The following COA4 variants were observed in gnomAD, a reference collection of about 807,000 sequenced individuals.
COA4 encodes the protein cytochrome c oxidase assembly factor 4 homolog.
A neutral mutation model predicts 7.3 loss-of-function variants in COA4; 8 were observed. The observed-to-expected ratio is 1.10, with a 90% CI of 0.64 to 1.98. The LOEUF is 1.98. Ranked by LOEUF, COA4 falls within the 30% of genes most tolerant of loss-of-function variation. The probability of loss-of-function intolerance (pLI) is 0.00; values close to 1 mark genes in which losing one functional copy is unlikely to be tolerated. For synonymous variants in COA4, 42 were observed against 44.3 expected (o/e 0.95, Z 0.21); for missense variants, 96 against 111.2 (o/e 0.86, Z 0.62).
intron 1 of COA4, chr11:73,876,282 G>T (rs1297253665): frequency 6.6e-6 from 1 of 152,200 alleles, no homozygotes; most frequent in Non-Finnish European, 1.5e-5. Context: ...CAGTGGAATA[G>T]AAAGTGCCTT....
At position 73,873,094 on chromosome 11, in the gene COA4, G is replaced by A. The variant is rs775748322; in HGVS notation, c.*21C>T. 3 of 1,581,056 alleles carry A rather than the reference G, an allele frequency of 1.9e-6. No individual in the cohort carries two copies. The highest frequency in any genetic ancestry group is 2.6e-6 in the Non-Finnish European group (3 of 1,160,996). On this transcript the variant is annotated 3_prime_UTR_variant, in exon 2 of 2. Coordinates refer to ENST00000355693, the MANE Select transcript of COA4 (RefSeq NM_016565.3). The stretch of plus-strand genomic sequence containing the variant: ...GCTGGTCTTGGCAGGGCCATCTACT[G>A]GGGATAGGTGGTTTGGGGTCTCAGT...
chr11:73,873,450 TA>T, intron 1 of COA4, 56 bp from the exon 2 acceptor site: 3 of 1,488,286 alleles, frequency 2.0e-6, no homozygotes, highest in Non-Finnish European at 2.8e-6. Flanking sequence ...TCCTAAATTA[TA>T]AATAGCACTG....
At position 73,873,533 on chromosome 11, in the gene COA4, CTTG is replaced by C. The variant is rs1412712203; in HGVS notation, c.-16-142_-16-140del. The C allele has an allele frequency of 7.6e-4, 410 of 538,974 alleles. 2 individuals carry two copies. The highest frequency in any genetic ancestry group is 1.0e-3 in the Non-Finnish European group (345 of 331,506). The allele number at this position is 538,974 out of a possible 1,614,324, so 33.4% of individuals were successfully genotyped here. Reference sequence around the variant, plus strand: ...GAGACTCTAAGCTTGAAGACAGATGCTTGTTTTTTTTTTTTTTTTTTTGAGGGT... The same window carrying C: ...GAGACTCTAAGCTTGAAGACAGATGCTTTTTTTTTTTTTTTTTTTGAGGGT... On this transcript the variant is annotated intron_variant, in intron 1 of 1. Coordinates refer to ENST00000355693, the MANE Select transcript of COA4 (RefSeq NM_016565.3).
chr11:73,876,215 C>T (rs1386038094), intron 1 of COA4: 1 of 151,774 alleles, frequency 6.6e-6, no homozygotes, highest in Non-Finnish European at 1.5e-5. Flanking sequence ...TTTTCTCTTC[C>T]TAAATACACT....
chr11:73,873,473 C>T, intron 1 of COA4, 79 bp from the exon 2 acceptor site: 1 of 1,276,832 alleles, frequency 7.8e-7, no homozygotes, highest in South Asian at 1.4e-5. Flanking sequence ...CCAGACTGCA[C>T]CATTTAGCCT....
chr11:73,876,822 TTGGGGATCCTC>T lies in COA4; in HGVS notation c.-93_-83del, dbSNP rs1288092826. Reference sequence around the variant, plus strand: ...GCGGCGGCTTGGGTTTCGCAGGCGGTTGGGGATCCTCTGTACATCCTTTCAGGAACCAGCCC... The same window carrying T: ...GCGGCGGCTTGGGTTTCGCAGGCGGTTGTACATCCTTTCAGGAACCAGCCC... On this transcript the variant is annotated 5_prime_UTR_variant, in exon 1 of 2. The change abolishes the stop of an existing upstream ORF in the 5' untranslated region. Transcript: ENST00000355693. The T allele has an allele frequency of 1.7e-5, 8 of 457,170 alleles. No individual in the cohort carries two copies. Among genetic ancestry groups the T allele is most frequent in the Non-Finnish European group, 2.5e-5 (7 of 276,224 alleles). 28.3% of individuals were successfully genotyped at this position (457,170 alleles called of 1,614,324 possible).
At position 73,876,758 on chromosome 11, in the gene COA4, G is replaced by C; in HGVS notation, c.-18C>G. On this transcript the variant is annotated splice_region_variant and 5_prime_UTR_variant, in exon 1 of 2. Coordinates refer to ENST00000355693, the MANE Select transcript of COA4 (RefSeq NM_016565.3). ...AAGAACGCGGTACGCGATGCTCACC[G>C]AACAGGTGGGAGAAGAGGGCCCGAA... 2.9e-6 allele frequency: 1 copy of C among 348,596 alleles called. No individual in the cohort carries two copies. Among genetic ancestry groups the C allele is most frequent in the Non-Finnish European group, 5.2e-6 (1 of 193,478 alleles). 21.6% of individuals were successfully genotyped at this position (348,596 alleles called of 1,614,324 possible). A position where few individuals can be genotyped will look rare whatever the true frequency, so the allele number is the denominator to read the frequency against.
In COA4 at chr11:73,876,819, C is replaced by T; in HGVS notation, c.-79G>A. On this transcript the variant is annotated 5_prime_UTR_variant, in exon 1 of 2. Coordinates refer to ENST00000355693, the MANE Select transcript of COA4 (RefSeq NM_016565.3). ...TACGCGGCGGCTTGGGTTTCGCAGG[C>T]GGTTGGGGATCCTCTGTACATCCTT... is the stretch of plus-strand genomic sequence containing the variant. 2.2e-6 allele frequency: 1 copy of T among 455,378 alleles called. No homozygotes were observed. Among genetic ancestry groups the T allele is most frequent in the Non-Finnish European group, 3.7e-6 (1 of 272,240 alleles). The allele number at this position is 455,378 out of a possible 1,614,324, so 28.2% of individuals were successfully genotyped here.
Position 73,873,408 on chromosome 11 carries a change from A to G in COA4, c.-16-14T>C. On this transcript the variant is annotated splice_polypyrimidine_tract_variant and intron_variant, in intron 1 of 1. Transcript: ENST00000355693. ...GGGATGGGGAGTCTATAGAACATTA[A>G]CAGGTTAGAGTAGGGATATAATATG... 6.2e-6 allele frequency: 10 copies of G among 1,611,132 alleles called. No individual in the cohort carries two copies. Among genetic ancestry groups the G allele is most frequent in the Non-Finnish European group, 8.5e-6 (10 of 1,177,890 alleles).
Position 73,873,084 on chromosome 11 carries a change from G to A in COA4, c.*31C>T. 1 of 1,566,474 alleles carries A rather than the reference G, an allele frequency of 6.4e-7. No homozygotes were observed. Among genetic ancestry groups the A allele is most frequent in the Non-Finnish European group, 8.7e-7 (1 of 1,153,470 alleles). On this transcript the variant is annotated 3_prime_UTR_variant, in exon 2 of 2. Coordinates refer to ENST00000355693, the MANE Select transcript of COA4 (RefSeq NM_016565.3). ...CTTGCTGGGTGCTGGTCTTGGCAGG[G>A]CCATCTACTGGGGATAGGTGGTTTG...
chr11:73,873,050 C>T lies in COA4; in HGVS notation c.*65G>A. ...CCACACCAGCATTTAGGATTTCTTCCTCTATAATCTTGCTGGGTGCTGGTC... is the reference window on the plus strand; with the variant it reads ...CCACACCAGCATTTAGGATTTCTTCTTCTATAATCTTGCTGGGTGCTGGTC... On this transcript the variant is annotated 3_prime_UTR_variant, in exon 2 of 2. Transcript: ENST00000355693. 1 of 1,514,572 alleles carries T rather than the reference C, an allele frequency of 6.6e-7. No homozygotes were observed. The highest frequency in any genetic ancestry group is 8.8e-7 in the Non-Finnish European group (1 of 1,132,228). The allele number at this position is 1,514,572 out of a possible 1,614,324, so 93.8% of individuals were successfully genotyped here.
chr11:73,875,372 T>C (rs2135108381), intron 1 of COA4, among the ~76,000 whole-genome samples: 1 of 152,308 alleles, frequency 6.6e-6, no homozygotes, highest in Admixed American at 6.5e-5. Context: ...GGCACTATGC[T>C]AGTGCTGAGG....
intron 1 of COA4, 119 bp downstream of exon 1, chr11:73,876,638 A>G (rs536786786): frequency 2.5e-4 from 42 of 170,700 alleles, no homozygotes; most frequent in Middle Eastern, 2.6e-3. Flanking sequence ...ACGAGGCCTG[A>G]GGCGCCTCAG....
In COA4 at chr11:73,876,837, A is replaced by T; in HGVS notation, c.-97T>A. On this transcript the variant is annotated 5_prime_UTR_variant, in exon 1 of 2. Transcript: ENST00000355693. Reference sequence around the variant, plus strand: ...TCGCAGGCGGTTGGGGATCCTCTGTACATCCTTTCAGGAACCAGCCCCTCG... The same window carrying T: ...TCGCAGGCGGTTGGGGATCCTCTGTTCATCCTTTCAGGAACCAGCCCCTCG... 1 of 578,396 alleles carries T rather than the reference A, an allele frequency of 1.7e-6. No individual in the cohort carries two copies. Among genetic ancestry groups the T allele is most frequent in the Non-Finnish European group, 2.8e-6 (1 of 362,440 alleles). 35.8% of individuals were successfully genotyped at this position (578,396 alleles called of 1,614,324 possible).
rs751533493 is a variant in COA4, at chr11:73,873,227, C to T, written c.152G>A (p.Trp51Ter). ...CTGCACCTGTGGCTGGCATTGCCGC[C>T]AGTCCTGGTGCTGGGCCATGCACTC... ...VQECMAQHQD[W>*]RQCQPQVQAF... The change falls in exon 2 of 2, where the codon TGG becomes TAG. Residue 51 changes from tryptophan to a stop codon, truncating the protein, a stop_gained. Coordinates refer to ENST00000355693, the MANE Select transcript of COA4 (RefSeq NM_016565.3). LOFTEE classifies it high-confidence loss of function. The T allele has an allele frequency of 1.9e-6, 3 of 1,614,228 alleles. No homozygotes were observed. The South Asian group carries it at 3.3e-5, about 18-fold the overall frequency.
intron 1 of COA4, among the ~76,000 whole-genome samples, chr11:73,875,181 C>T (rs560569070): frequency 6.6e-6 from 1 of 152,254 alleles, no homozygotes; most frequent in East Asian, 1.9e-4. Context: ...CTGTCTTGCC[C>T]GTCTGCATCA....
chr11:73,876,662 T>A (rs908032511), intron 1 of COA4, 95 bp downstream of exon 1: 13 of 198,656 alleles, frequency 6.5e-5, no homozygotes, highest in South Asian at 1.7e-4. Flanking sequence ...TATCGAGGAC[T>A]TTGAACTTTG....
In COA4 at chr11:73,873,407, A is replaced by T. The variant is rs770214695; in HGVS notation, c.-16-13T>A. On this transcript the variant is annotated splice_polypyrimidine_tract_variant and intron_variant, in intron 1 of 1. Transcript: ENST00000355693. ...GGGGATGGGGAGTCTATAGAACATT[A>T]ACAGGTTAGAGTAGGGATATAATAT... The T allele has an allele frequency of 4.8e-5, 77 of 1,611,086 alleles. No homozygotes were observed. The highest frequency in any genetic ancestry group is 6.0e-5 in the Non-Finnish European group (71 of 1,177,978).
intron 1 of COA4, chr11:73,874,360 C>T (rs182748147): frequency 4.0e-5 from 6 of 151,860 alleles, no homozygotes; most frequent in East Asian, 3.9e-4. Context: ...GCAGGAGAGC[C>T]GAGGTTGAAC....
Sources: gnomAD v4.1 joint callset for allele counts (sites outside exome capture counted in the v4.1 genomes callset) on GRCh38, gnomAD v4.1.1 for gene constraint, MANE v1.5 for transcripts, NCBI Gene and HGNC (gene_info 2026-07-23, HGNC 2026-07-21) for gene names.